HDAC8: variants seen among roughly 807,000 people sequenced by gnomAD.
HDAC8 encodes histone deacetylase-like 1.
In HDAC8, 1 loss-of-function variant was observed where a neutral mutation model predicts 32.2. The ratio of observed to expected loss-of-function variants is 0.03; its 90% CI spans 0.01 to 0.15. The LOEUF (loss-of-function observed/expected upper bound fraction) is 0.15. Among genes scored for constraint, HDAC8 ranks in the 10% least tolerant of loss-of-function variants. The pLI, the probability that HDAC8 is intolerant of heterozygous loss-of-function variation, is 1.00. For missense variants in HDAC8, 117 were observed against 300.0 expected, an observed-to-expected ratio of 0.39 and a Z score of 4.51; for synonymous variants, 108 against 113.9, an observed-to-expected ratio of 0.95 and a Z score of 0.33.
chrX:72,485,802 A>G (rs2048652410), intron 7 of HDAC8, among the ~76,000 whole-genome samples: 1 of 111,865 alleles, frequency 8.9e-6, no homozygotes, highest in African/African-American at 3.2e-5. Context: ...AGTGAGCCAG[A>G]GAACCAGTGG....
intron 9 of HDAC8, among the ~76,000 whole-genome samples, chrX:72,424,401 C>T (rs1376170015): frequency 9.0e-6 from 1 of 111,339 alleles, no homozygotes; most frequent in Non-Finnish European, 1.9e-5. Flanking sequence ...TTGATAATTT[C>T]CTAGCCATAT....
At chrX:72,422,026 C>A (rs1177555491) in intron 9 of HDAC8, among the ~76,000 whole-genome samples, 1 of 110,981 alleles carries the variant, frequency 9.0e-6, no homozygotes, top group Non-Finnish European at 1.9e-5. Flanking sequence ...CAGTTATGAA[C>A]CTTATTGAGA....
chrX:72,337,926 C>T lies in HDAC8; in HGVS notation c.1112-7850G>A, dbSNP rs782404957. Among the ~76,000 whole-genome samples, 5 of 111,625 alleles carry T rather than the reference C, an allele frequency of 4.5e-5. No homozygotes were observed. The East Asian group carries it at 1.1e-3, about 25-fold the overall frequency. On this transcript the variant is annotated intron_variant, in intron 10 of 10. Transcript: ENST00000373573. ...TCTTTGAACTTGCTCTTCCTTCTTC[C>T]TGGAATGCTCTGTCCTGGCTATCCC...
chrX:72,478,225 C>A (rs1556001487), intron 7 of HDAC8, among the ~76,000 whole-genome samples: 1 of 112,340 alleles, frequency 8.9e-6, no homozygotes, highest in African/African-American at 3.2e-5. Context: ...ATGCTAATTA[C>A]AAATGATTCT....
chrX:72,436,315 G>A (rs2046950317), intron 9 of HDAC8, among the ~76,000 whole-genome samples: 1 of 111,921 alleles, frequency 8.9e-6, no homozygotes, highest in South Asian at 3.7e-4. Context: ...AATCTGGAAA[G>A]CAGCTAGAGA....
At chrX:72,336,293 A>T (rs1198861538) in intron 10 of HDAC8, among the ~76,000 whole-genome samples, 1 of 112,106 alleles carries the variant, frequency 8.9e-6, no homozygotes, top group Admixed American at 9.5e-5. Flanking sequence ...ATCTTTTCAC[A>T]TATAGTCTCT....
chrX:72,415,751 G>A (rs1292419109), intron 9 of HDAC8, among the ~76,000 whole-genome samples: 3 of 111,968 alleles, frequency 2.7e-5, no homozygotes, highest in South Asian at 3.7e-4. Flanking sequence ...ATAGAAATAT[G>A]TTCATTGATA....
intron 9 of HDAC8, among the ~76,000 whole-genome samples, chrX:72,416,514 T>TTAA (rs1224478320): frequency 1.0e-5 from 1 of 99,855 alleles, no homozygotes; most frequent in Non-Finnish European, 2.0e-5. Context: ...TTTCATTGAA[T>TTAA]TTATTATTAT....
At chrX:72,504,554 A>G (rs1219024006) in intron 4 of HDAC8, among the ~76,000 whole-genome samples, 1 of 111,021 alleles carries the variant, frequency 9.0e-6, no homozygotes. Flanking sequence ...ACACACACAC[A>G]CCCACACACC....
At chrX:72,501,904 G>A (rs782451095) in intron 4 of HDAC8, among the ~76,000 whole-genome samples, 2 of 111,942 alleles carry the variant, frequency 1.8e-5, no homozygotes, top group South Asian at 7.5e-4. Context: ...GCATCTTTAA[G>A]GAACTTAACA....
At chrX:72,480,435 T>C in intron 7 of HDAC8, 1 of 329,858 alleles carries the variant, frequency 3.0e-6, no homozygotes, top group Non-Finnish European at 5.9e-6. Flanking sequence ...TGTGCAGAAG[T>C]AGAAATGCTT....
chrX:72,393,267 C>T (rs976236321), intron 9 of HDAC8, among the ~76,000 whole-genome samples: 2 of 111,350 alleles, frequency 1.8e-5, no homozygotes, highest in East Asian at 2.8e-4. Flanking sequence ...CCAACACAAA[C>T]GGAATTGTAC....
chrX:72,474,856 G>C (rs1161032013), intron 7 of HDAC8: 1 of 417,467 alleles, frequency 2.4e-6, no homozygotes. Context: ...AGCTTCTACT[G>C]TGTGCCTTTG....
At chrX:72,335,909 TAA>T (rs781970503) in intron 10 of HDAC8, among the ~76,000 whole-genome samples, 59 of 85,090 alleles carry the variant, frequency 6.9e-4, no homozygotes, top group African/African-American at 2.0e-3. Context: ...ACACTGTCTC[TAA>T]AAAAAAAAAA....
intron 9 of HDAC8, among the ~76,000 whole-genome samples, chrX:72,379,754 G>A (rs1051490886): frequency 3.6e-5 from 4 of 110,658 alleles, no homozygotes; most frequent in East Asian, 2.8e-4. Context: ...CACCTGCCTC[G>A]GCCTCTCAAA....
intron 4 of HDAC8, among the ~76,000 whole-genome samples, chrX:72,556,904 C>T (rs1205190448): frequency 8.9e-6 from 1 of 112,212 alleles, no homozygotes; most frequent in Admixed American, 9.4e-5. Context: ...AACAAATGGA[C>T]TTAACAGAGA....
intron 9 of HDAC8, among the ~76,000 whole-genome samples, chrX:72,397,555 T>C (rs1362325984): frequency 8.9e-6 from 1 of 111,788 alleles, no homozygotes; most frequent in East Asian, 2.8e-4. Context: ...CAATAGAACA[T>C]GACCAGTGCC....
At chrX:72,524,417 T>C (rs2050073881) in intron 4 of HDAC8, among the ~76,000 whole-genome samples, 1 of 111,730 alleles carries the variant, frequency 9.0e-6, no homozygotes, top group Non-Finnish European at 1.9e-5. Context: ...ATGGCAGACA[T>C]TGCTAATTGA....
intron 4 of HDAC8, among the ~76,000 whole-genome samples, chrX:72,513,334 T>C (rs1556023005): frequency 9.1e-6 from 1 of 110,138 alleles, no homozygotes; most frequent in Non-Finnish European, 1.9e-5. Flanking sequence ...ATTACTTTTT[T>C]TTTTTTTTTG....
Sources: gnomAD v4.1 joint callset for allele counts (sites outside exome capture counted in the v4.1 genomes callset) on GRCh38, gnomAD v4.1.1 for gene constraint, MANE v1.5 for transcripts, NCBI Gene and HGNC (gene_info 2026-07-23, HGNC 2026-07-21) for gene names.